UNC13C: variants seen among roughly 807,000 people sequenced by gnomAD.
UNC13C encodes protein unc-13 homolog C.
Under a neutral mutation model 245.4 loss-of-function variants are expected in UNC13C, and 174 were observed. The ratio of observed to expected loss-of-function variants is 0.71; its 90% CI spans 0.63 to 0.80. The LOEUF (loss-of-function observed/expected upper bound fraction) is 0.80, where lower values mean the gene tolerates loss of function less well. Among genes scored for constraint, UNC13C ranks in the 30% least tolerant of loss-of-function variants. The pLI is 0.00. For synonymous variants in UNC13C, 992 were observed against 895.1 expected (o/e 1.11, Z -1.93); for missense variants, 2,829 against 2,602.9 (o/e 1.09, Z -1.89).
At position 54,563,236 on chromosome 15, in the gene UNC13C, A is replaced by G. The variant is rs559748956; in HGVS notation, c.5959-4564A>G. On this transcript the variant is annotated intron_variant, in intron 29 of 32. Transcript: ENST00000260323. ...TGTAACAACTTTAAGCTTCAGCTCA[A>G]TTGCATATCTGTCAAACATGCTTTC... is the stretch of plus-strand genomic sequence containing the variant. 7.0e-4 allele frequency among the ~76,000 whole-genome samples: 107 copies of G among 152,142 alleles called. 1 individual carries two copies. Among genetic ancestry groups the G allele is most frequent in the Middle Eastern group, 3.4e-3 (1 of 294 alleles).
At chr15:54,103,035 T>C (rs1900245079) in intron 2 of UNC13C, among the ~76,000 whole-genome samples, 1 of 152,234 alleles carries the variant, frequency 6.6e-6, no homozygotes, top group South Asian at 2.1e-4. Context: ...GATTTTGTCC[T>C]CTGTGACTGA....
chr15:54,067,977 A>T (rs999209373), intron 2 of UNC13C, among the ~76,000 whole-genome samples: 48 of 152,170 alleles, frequency 3.2e-4, no homozygotes, highest in African/African-American at 1.1e-3. Context: ...AATAACTTAC[A>T]CTTGCTAAAT....
chr15:54,603,208 T>C (rs1899540399), intron 30 of UNC13C, among the ~76,000 whole-genome samples: 1 of 152,236 alleles, frequency 6.6e-6, no homozygotes, highest in African/African-American at 2.4e-5. Flanking sequence ...TGTTTGTCTC[T>C]GTGTGGATTT....
chr15:53,977,082 A>G (rs1392592430), upstream of UNC13C, among the ~76,000 whole-genome samples: 1 of 152,168 alleles, frequency 6.6e-6, no homozygotes, highest in Admixed American at 6.5e-5. Flanking sequence ...CTGCCCTGGT[A>G]CTTGCCCCTG....
intron 13 of UNC13C, among the ~76,000 whole-genome samples, chr15:54,300,821 TAGTG>T (rs1428543739): frequency 6.6e-6 from 1 of 152,168 alleles, no homozygotes; most frequent in Admixed American, 6.5e-5. Context: ...CAAAGCCTGT[TAGTG>T]AGAGAGACAG....
intron 20 of UNC13C, among the ~76,000 whole-genome samples, chr15:54,495,252 T>G (rs1420479609): frequency 2.0e-5 from 3 of 152,094 alleles, no homozygotes; most frequent in Non-Finnish European, 2.9e-5. Flanking sequence ...TCTGTTTTAT[T>G]CTATTGATGG....
intron 30 of UNC13C, among the ~76,000 whole-genome samples, chr15:54,584,844 T>C (rs969513500): frequency 1.3e-5 from 2 of 152,204 alleles, no homozygotes; most frequent in South Asian, 2.1e-4. Context: ...GTGAGACTTA[T>C]ATAGAGAGTA....
At chr15:54,472,357 C>T (rs1892508026) in intron 19 of UNC13C, among the ~76,000 whole-genome samples, 1 of 151,714 alleles carries the variant, frequency 6.6e-6, no homozygotes, top group African/African-American at 2.4e-5. Context: ...GCCTTTTAAA[C>T]TTTTTACTGA....
intron 4 of UNC13C, among the ~76,000 whole-genome samples, chr15:54,167,602 GAAAAA>G (rs35210236): frequency 3.1e-5 from 2 of 63,572 alleles, no homozygotes; most frequent in African/African-American, 6.0e-5. Context: ...ATCCAAATAG[GAAAAA>G]AAAAAAAAAA....
chr15:54,007,752 T>C (rs1261486829), intron 1 of UNC13C, among the ~76,000 whole-genome samples: 1 of 152,150 alleles, frequency 6.6e-6, no homozygotes, highest in African/African-American at 2.4e-5. Flanking sequence ...ATCCAGCCCA[T>C]GTAACCCAGA....
chr15:54,499,888 G>A (rs1483855171), intron 20 of UNC13C, among the ~76,000 whole-genome samples, 191 bp from the exon 21 acceptor site: 3 of 152,086 alleles, frequency 2.0e-5, no homozygotes, highest in African/African-American at 7.2e-5. Context: ...GGGGGTAGAG[G>A]TTGGAGGTAA....
rs560882142 is a variant in UNC13C, at chr15:54,008,757, G to A, written c.-256-3891G>A. On this transcript the variant is annotated intron_variant, in intron 1 of 32. Coordinates refer to ENST00000260323, the MANE Select transcript of UNC13C (RefSeq NM_001080534.3). ...TGGGTTTGTATGGGCTGGGTGTAAG[G>A]GTTTGTGTCAGTTACCACTGGTAAC... Among the ~76,000 whole-genome samples, 67 of 152,156 alleles carry A rather than the reference G, an allele frequency of 4.4e-4. No individual in the cohort carries two copies. In the Middle Eastern group the frequency reaches 0.01, roughly 23 times the overall value.
At chr15:53,996,117 A>C (rs11858366) in intron 1 of UNC13C, among the ~76,000 whole-genome samples, 16,522 of 152,296 alleles carry the variant, frequency 0.11, 921 homozygotes, top group Middle Eastern at 0.19. Flanking sequence ...GGTGGTGAGA[A>C]GTGATTCCAT....
intron 27 of UNC13C, among the ~76,000 whole-genome samples, chr15:54,548,598 G>T (rs541207999): frequency 1.4e-4 from 22 of 152,076 alleles, no homozygotes; most frequent in African/African-American, 4.8e-4. Context: ...GCAAGGGCTT[G>T]GACTGTTCTG....
intron 12 of UNC13C, among the ~76,000 whole-genome samples, chr15:54,299,528 C>G (rs1352495018): frequency 6.6e-6 from 1 of 152,054 alleles, no homozygotes; most frequent in African/African-American, 2.4e-5. Flanking sequence ...GAAATGTTTT[C>G]AGGCAAAAAC....
chr15:54,321,998 C>A lies in UNC13C; in HGVS notation c.4328C>A (p.Thr1443Asn). Residue 1443 changes from threonine to asparagine, a missense_variant, in exon 14 of 33, where the codon ACC (threonine) becomes AAC (asparagine). By Grantham distance (65) the Thr-to-Asn change is moderately conservative. Transcript: ENST00000260323. ...MCPGVPAVMS[T>N]LLANINAFYA... ...CCCGGTGTCCCTGCCGTCATGAGCA[C>A]CTTGCTGGCTAATATAAATGCTTTT... The A allele has an allele frequency of 6.3e-7, 1 of 1,589,190 alleles. No individual in the cohort carries two copies. Among genetic ancestry groups the A allele is most frequent in the South Asian group, 1.1e-5 (1 of 87,396 alleles).
chr15:54,399,706 A>G (rs938574830), intron 18 of UNC13C, among the ~76,000 whole-genome samples: 2 of 151,816 alleles, frequency 1.3e-5, no homozygotes, highest in African/African-American at 2.4e-5. Context: ...AAATCTGCCT[A>G]TTTTTCCCCT....
At chr15:54,233,245 G>A (rs2035599730) in intron 4 of UNC13C, among the ~76,000 whole-genome samples, 1 of 151,990 alleles carries the variant, frequency 6.6e-6, no homozygotes, top group East Asian at 1.9e-4. Context: ...TAGAATTAGT[G>A]GAGAAAGGGG....
the UNC13C span, among the ~76,000 whole-genome samples, chr15:53,878,175 A>G: frequency 6.6e-5 from 10 of 152,152 alleles, no homozygotes; most frequent in East Asian, 1.9e-3. Flanking sequence ...TGTTCACAGG[A>G]TTGCTTGGAA....
Sources: allele counts gnomAD v4.1 joint callset (sites outside exome capture counted in the v4.1 genomes callset), GRCh38; gene constraint gnomAD v4.1.1; transcripts MANE v1.5; gene names NCBI Gene and HGNC (gene_info 2026-07-23, HGNC 2026-07-21).